ARHGAP42: variants seen among roughly 807,000 people sequenced by gnomAD.
ARHGAP42 encodes the protein Rho GTPase activating protein 42, also known as rho GTPase-activating protein 42.
Under a neutral mutation model 125.0 loss-of-function variants are expected in ARHGAP42, and 63 were observed. The observed-to-expected ratio is 0.50, with a 90% confidence interval of 0.41 to 0.62. The LOEUF is 0.62. ARHGAP42 is among the 20% of genes least tolerant of loss of function. The pLI, the probability that ARHGAP42 is intolerant of heterozygous loss-of-function variation, is 0.00. For missense variants in ARHGAP42, 766 were observed against 1,024.2 expected (o/e 0.75, Z 3.44); for synonymous variants, 339 against 351.0 (o/e 0.97, Z 0.38).
chr11:100,971,478 G>A (rs1415008137), intron 17 of ARHGAP42, among the ~76,000 whole-genome samples: 1 of 152,126 alleles, frequency 6.6e-6, no homozygotes, highest in East Asian at 1.9e-4. Flanking sequence ...GGGGAAATAA[G>A]TAGTAGAACC....
intron 5 of ARHGAP42, among the ~76,000 whole-genome samples, chr11:100,919,468 C>G (rs1313981564): frequency 2.0e-5 from 3 of 151,972 alleles, no homozygotes; most frequent in African/African-American, 4.8e-5. Flanking sequence ...CTGCATAGTT[C>G]CATTGACTAG....
At chr11:100,959,554 A>T (rs1247388376) in intron 12 of ARHGAP42, among the ~76,000 whole-genome samples, 1 of 152,110 alleles carries the variant, frequency 6.6e-6, no homozygotes, top group East Asian at 1.9e-4. Context: ...TCAATACATA[A>T]TAAGGATTTA....
In ARHGAP42 at chr11:100,992,355, C is replaced by A; in HGVS notation, c.*3554C>A. 6.2e-7 allele frequency: 1 copy of A among 1,613,220 alleles called. No homozygotes were observed. Among genetic ancestry groups the A allele is most frequent in the Non-Finnish European group, 8.5e-7 (1 of 1,179,540 alleles). On this transcript the variant is annotated 3_prime_UTR_variant, in exon 24 of 24. Transcript: ENST00000298815. ...GGACCCGGAAATCACATCTCCTGGT[C>A]AGGTCACGAAAAAGAACACAGGCTT...
intron 1 of ARHGAP42, among the ~76,000 whole-genome samples, chr11:100,739,728 C>G (rs1178298597): frequency 6.6e-6 from 1 of 152,148 alleles, no homozygotes; most frequent in Non-Finnish European, 1.5e-5. Flanking sequence ...TTGCTTATGG[C>G]TTGTGTACTG....
At chr11:100,826,770 G>T (rs1864523950) in intron 3 of ARHGAP42, among the ~76,000 whole-genome samples, 1 of 152,024 alleles carries the variant, frequency 6.6e-6, no homozygotes, top group Non-Finnish European at 1.5e-5. Flanking sequence ...TGTCACCCCT[G>T]TCTCTCTGGG....
intron 2 of ARHGAP42, among the ~76,000 whole-genome samples, chr11:100,783,965 G>A (rs1335918157): frequency 6.6e-6 from 1 of 152,184 alleles, no homozygotes; most frequent in Non-Finnish European, 1.5e-5. Flanking sequence ...GATCTAATCA[G>A]TATAATGCTA....
intron 4 of ARHGAP42, among the ~76,000 whole-genome samples, chr11:100,900,686 C>G (rs1392660635): frequency 6.6e-6 from 1 of 152,094 alleles, no homozygotes; most frequent in East Asian, 1.9e-4. Flanking sequence ...ACCCTTTCTT[C>G]CACTTGGTCG....
chr11:100,829,489 G>A (rs975812282), intron 3 of ARHGAP42, among the ~76,000 whole-genome samples: 3 of 152,144 alleles, frequency 2.0e-5, no homozygotes, highest in Admixed American at 1.3e-4. Context: ...AGCTCTAGTA[G>A]TGCTGACCAG....
intron 6 of ARHGAP42, among the ~76,000 whole-genome samples, chr11:100,930,200 C>T (rs1867536405): frequency 6.6e-6 from 1 of 152,208 alleles, no homozygotes; most frequent in African/African-American, 2.4e-5. Flanking sequence ...TTTTCCCTCA[C>T]ATCCCAGCCA....
At chr11:100,771,484 T>C (rs1043675589) in intron 2 of ARHGAP42, among the ~76,000 whole-genome samples, 1 of 152,166 alleles carries the variant, frequency 6.6e-6, no homozygotes, top group Non-Finnish European at 1.5e-5. Flanking sequence ...TATTTATGTA[T>C]ATTTTAGAGG....
intron 4 of ARHGAP42, among the ~76,000 whole-genome samples, chr11:100,881,573 T>G (rs1170485461): frequency 6.6e-6 from 1 of 152,168 alleles, no homozygotes; most frequent in East Asian, 1.9e-4. Context: ...CTTTTTTGGT[T>G]CCATATGAAT....
intron 3 of ARHGAP42, among the ~76,000 whole-genome samples, chr11:100,846,843 T>G (rs999088782): frequency 6.6e-6 from 1 of 151,946 alleles, no homozygotes; most frequent in African/African-American, 2.4e-5. Flanking sequence ...GGTGTTCAGA[T>G]AGGGAACAAG....
intron 1 of ARHGAP42, among the ~76,000 whole-genome samples, chr11:100,751,288 T>TTTTTTTTTTTGTTTTTTG (rs1862450289): frequency 7.2e-6 from 1 of 139,076 alleles, no homozygotes; most frequent in Non-Finnish European, 1.5e-5. Context: ...TGTTTTTTTT[T>TTTTTTTTTTTGTTTTTTG]TTTTTTTTTT....
chr11:100,942,750 A>G (rs1786524727), intron 9 of ARHGAP42, among the ~76,000 whole-genome samples: 1 of 152,138 alleles, frequency 6.6e-6, no homozygotes, highest in African/African-American at 2.4e-5. Flanking sequence ...GGCATTCATC[A>G]GAGTCTAATA....
intron 4 of ARHGAP42, among the ~76,000 whole-genome samples, chr11:100,909,461 C>T (rs1368274567): frequency 6.6e-6 from 1 of 151,672 alleles, no homozygotes; most frequent in Non-Finnish European, 1.5e-5. Context: ...TCTCCTGCCT[C>T]AGCCTCCCGA....
chr11:100,766,390 T>G (rs1242011554), intron 1 of ARHGAP42, among the ~76,000 whole-genome samples: 1 of 152,182 alleles, frequency 6.6e-6, no homozygotes, highest in Non-Finnish European at 1.5e-5. Flanking sequence ...GAGAAAAAGT[T>G]GACTCTTTAG....
intron 1 of ARHGAP42, among the ~76,000 whole-genome samples, chr11:100,706,903 C>T (rs1861489250): frequency 1.3e-5 from 2 of 152,194 alleles, no homozygotes; most frequent in African/African-American, 4.8e-5. Context: ...TGTCACTCCT[C>T]ATTCCCCATC....
chr11:100,788,669 C>T (rs1232737186), intron 2 of ARHGAP42, among the ~76,000 whole-genome samples: 1 of 152,140 alleles, frequency 6.6e-6, no homozygotes, highest in Non-Finnish European at 1.5e-5. Flanking sequence ...AGTGGATGGC[C>T]TATCAGTGAG....
chr11:100,688,741 G>T (rs1427513884), intron 1 of ARHGAP42, among the ~76,000 whole-genome samples: 3 of 152,098 alleles, frequency 2.0e-5, no homozygotes, highest in Non-Finnish European at 4.4e-5. Flanking sequence ...ATTTATTTAT[G>T]TATTTATTTA....
Sources: allele counts gnomAD v4.1 joint callset (sites outside exome capture counted in the v4.1 genomes callset), GRCh38; gene constraint gnomAD v4.1.1; transcripts MANE v1.5; gene names NCBI Gene and HGNC (gene_info 2026-07-23, HGNC 2026-07-21).